Variants in LRCH2 observed in about 807,000 individuals in gnomAD.
The protein encoded by LRCH2 is leucine-rich repeat and calponin homology domain-containing protein 2.
A neutral mutation model predicts 68.9 loss-of-function variants in LRCH2; 38 were observed. The ratio of observed to expected loss-of-function variants is 0.55; its 90% CI spans 0.43 to 0.72. The LOEUF (loss-of-function observed/expected upper bound fraction) is 0.72, where lower values mean the gene tolerates loss of function less well. Ranked by LOEUF, LRCH2 falls within the 30% of genes least tolerant of loss-of-function variation. The probability of loss-of-function intolerance (pLI) is 0.00; values close to 1 mark genes in which losing one functional copy is unlikely to be tolerated. For missense variants in LRCH2, 528 were observed against 572.9 expected, an observed-to-expected ratio of 0.92 and a Z score of 0.80; for synonymous variants, 191 against 208.1, an observed-to-expected ratio of 0.92 and a Z score of 0.71.
intron 14 of LRCH2, among the ~76,000 whole-genome samples, chrX:115,143,317 G>A: frequency 9.0e-6 from 1 of 111,051 alleles, no homozygotes; most frequent in Admixed American, 9.6e-5. Context: ...TGATACCACA[G>A]AAATTCGAAG....
intron 6 of LRCH2, among the ~76,000 whole-genome samples, chrX:115,168,918 T>C (rs977017064): frequency 6.3e-5 from 7 of 111,839 alleles, no homozygotes; most frequent in Admixed American, 9.5e-5. Context: ...CCCACATGAC[T>C]TGAACTCTGA....
In LRCH2 at chrX:115,113,280, C is replaced by G; in HGVS notation, c.2234G>C (p.Gly745Ala). The change falls in exon 21 of 21, where the codon GGT becomes GCT. Residue 745 changes from glycine (G) to alanine (A), a missense_variant. Gly to Ala is a moderately conservative substitution (Grantham distance 60). Transcript: ENST00000317135. Reference sequence around the variant, plus strand: ...TTCAAGGAGCGCCTGAACTGTGACACCAACTTTCACAAGTCCTCGTTCTTC... The same window carrying G: ...TTCAAGGAGCGCCTGAACTGTGACAGCAACTTTCACAAGTCCTCGTTCTTC... ...ILEERGLVKV[G>A]VTVQALLELP... 8.4e-7 allele frequency: 1 copy of G among 1,196,668 alleles called. No homozygotes were observed.
chrX:115,128,720 T>C (rs1255821450), intron 15 of LRCH2, among the ~76,000 whole-genome samples: 2 of 112,180 alleles, frequency 1.8e-5, no homozygotes, highest in Non-Finnish European at 3.8e-5. Flanking sequence ...CCATACAGCA[T>C]GTCAAATTTG....
Position 115,149,891 on chromosome X carries a change from T to C in LRCH2, c.1631A>G (p.His544Arg). 3.3e-6 allele frequency: 4 copies of C among 1,205,414 alleles called. No individual in the cohort carries two copies. Among genetic ancestry groups the C allele is most frequent in the Non-Finnish European group, 4.5e-6 (4 of 891,195 alleles). Reference protein sequence around the residue: ...QIDEQPWPESHPIIWQSEERR... With the variant: ...QIDEQPWPESRPIIWQSEERR... Reference sequence around the variant, plus strand: ...TTCTTCACTCTGCCAGATTATAGGGTGAGATTCTGGCCACGGTTGTTCATC... The same window carrying C: ...TTCTTCACTCTGCCAGATTATAGGGCGAGATTCTGGCCACGGTTGTTCATC... The change falls in exon 14 of 21, where the codon CAC (histidine) becomes CGC (arginine). Residue 544 changes from histidine to arginine, a missense_variant. Transcript: ENST00000317135.
chrX:115,189,419 G>A (rs1556555996), intron 1 of LRCH2: 1 of 1,154,336 alleles, frequency 8.7e-7, no homozygotes, highest in East Asian at 3.2e-5. Context: ...CACTTCCTCT[G>A]ACCCACCATT....
chrX:115,120,451 C>T (rs1455885674), intron 20 of LRCH2, among the ~76,000 whole-genome samples: 1 of 85,143 alleles, frequency 1.2e-5, no homozygotes, highest in African/African-American at 4.5e-5. Flanking sequence ...CAGAGAAATG[C>T]AAATCAAAAC....
intron 5 of LRCH2, among the ~76,000 whole-genome samples, chrX:115,172,239 T>C (rs781966005): frequency 2.7e-5 from 3 of 111,579 alleles, no homozygotes; most frequent in African/African-American, 9.8e-5. Context: ...AAGTATAACA[T>C]AGTGGTTAAA....
At chrX:115,192,169 G>C (rs1556560899) in intron 1 of LRCH2, 2 of 1,165,380 alleles carry the variant, frequency 1.7e-6, no homozygotes, top group Non-Finnish European at 2.3e-6. Flanking sequence ...TTACGGAAGA[G>C]GAGGCTGCTA....
intron 1 of LRCH2, among the ~76,000 whole-genome samples, chrX:115,207,057 C>G (rs2072973310): frequency 9.0e-6 from 1 of 111,216 alleles, no homozygotes; most frequent in Non-Finnish European, 1.9e-5. Context: ...AAATGTTTAT[C>G]TTGTGATATA....
At chrX:115,115,325 C>G (rs1373941655) in intron 20 of LRCH2, among the ~76,000 whole-genome samples, 2 of 110,518 alleles carry the variant, frequency 1.8e-5, no homozygotes, top group East Asian at 5.6e-4. Context: ...TTACAGTAAG[C>G]AAGACAGTGT....
rs372019163 is a variant in LRCH2 at position 115,190,087 on chromosome X, A to G, written c.350-1717T>C. 134 of 1,153,413 alleles carry G rather than the reference A, an allele frequency of 1.2e-4. 2 individuals are homozygous for G. Among genetic ancestry groups the G allele is most frequent in the East Asian group, 1.0e-3 (31 of 30,366 alleles). ...TGTGCCCCGGTCAAGCCTGGCTCGC[A>G]TTGGCGGCAGTGGAATGCCTGGGAA... On this transcript the variant is annotated intron_variant, in intron 1 of 20. Coordinates refer to ENST00000317135, the MANE Select transcript of LRCH2 (RefSeq NM_020871.4).
chrX:115,130,332 C>T (rs1265626745), intron 14 of LRCH2, 133 bp from the exon 15 acceptor site: 4 of 361,849 alleles, frequency 1.1e-5, no homozygotes, highest in Non-Finnish European at 1.9e-5. Context: ...AAGTATATAA[C>T]AGGTGTAAAT....
In LRCH2 at chrX:115,233,138, A is replaced by C. The variant is rs188718881; in HGVS notation, c.349+555T>G. ...ATTTAACCACCACTACCTTCTCAAC[A>C]CCAGGAAAATGAAAAATCTCAGTCT... On this transcript the variant is annotated intron_variant, in intron 1 of 20. Transcript: ENST00000317135. Among the ~76,000 whole-genome samples the C allele has an allele frequency of 2.1e-4, 23 of 111,887 alleles. 1 individual carries two copies. The highest frequency in any genetic ancestry group is 6.8e-4 in the African/African-American group (21 of 30,763).
chrX:115,165,929 G>C lies in LRCH2; in HGVS notation c.1110C>G (p.Ser370Arg). ...TTGATTCTGAGACTTGAGAATGAAG[G>C]CTGACTGTGTCATCATCTGATGGCT... ...TTEPSDDDTV[S>R]LHSQVSESNR... The change falls in exon 8 of 21, where the codon AGC becomes AGG. Residue 370 changes from serine to arginine, a missense_variant. Coordinates refer to ENST00000317135, the MANE Select transcript of LRCH2 (RefSeq NM_020871.4). 1 of 1,162,521 alleles carries C rather than the reference G, an allele frequency of 8.6e-7. No individual in the cohort carries two copies. Among genetic ancestry groups the C allele is most frequent in the Non-Finnish European group, 1.2e-6 (1 of 867,894 alleles).
At chrX:115,129,987 A>G (rs188631986) in intron 15 of LRCH2, among the ~76,000 whole-genome samples, 168 bp downstream of exon 15, 1 of 111,737 alleles carries the variant, frequency 8.9e-6, no homozygotes, top group Non-Finnish European at 1.9e-5. Context: ...TTAAATGATT[A>G]AATTAATAAT....
chrX:115,210,884 G>A (rs909636541), intron 1 of LRCH2, among the ~76,000 whole-genome samples: 3 of 111,868 alleles, frequency 2.7e-5, no homozygotes, highest in African/African-American at 9.7e-5. Context: ...CTCCCCCACT[G>A]GATTTCAAAC....
intron 2 of LRCH2, among the ~76,000 whole-genome samples, chrX:115,184,848 C>A (rs1556553878): frequency 2.7e-5 from 3 of 111,826 alleles, no homozygotes; most frequent in African/African-American, 9.8e-5. Flanking sequence ...AAACCCTATG[C>A]AGGCAGACCT....
intron 1 of LRCH2, among the ~76,000 whole-genome samples, chrX:115,204,865 A>T (rs2072954786): frequency 9.0e-6 from 1 of 110,974 alleles, no homozygotes; most frequent in Admixed American, 9.6e-5. Flanking sequence ...AACCGTTCCA[A>T]CCTCTGCCCA....
At chrX:115,173,093 C>T (rs782515609) in intron 5 of LRCH2, among the ~76,000 whole-genome samples, 3 of 111,579 alleles carry the variant, frequency 2.7e-5, no homozygotes, top group South Asian at 7.5e-4. Flanking sequence ...GATTAGCACT[C>T]CTATGAATAT....
Sources: allele counts gnomAD v4.1 joint callset (sites outside exome capture counted in the v4.1 genomes callset), GRCh38; gene constraint gnomAD v4.1.1; transcripts MANE v1.5; gene names NCBI Gene and HGNC (gene_info 2026-07-23, HGNC 2026-07-21).